PPP2R1A: variants seen among roughly 807,000 people sequenced by gnomAD.
PPP2R1A encodes the protein protein phosphatase 2 scaffold subunit Aalpha.
In PPP2R1A, 15 loss-of-function variants were observed where a neutral mutation model predicts 67.1. That is an observed-to-expected ratio of 0.22 (90% CI 0.15 to 0.34). The LOEUF (loss-of-function observed/expected upper bound fraction) is 0.34. Among genes scored for constraint, PPP2R1A ranks in the 10% least tolerant of loss-of-function variants. The pLI, the probability that PPP2R1A is intolerant of heterozygous loss-of-function variation, is 1.00. For synonymous variants in PPP2R1A, 337 were observed against 325.0 expected (o/e 1.04, Z -0.40); for missense variants, 369 against 775.0 (o/e 0.48, Z 6.22).
In PPP2R1A at chr19:52,206,667, G is replaced by A. The variant is rs938116846; in HGVS notation, c.270+604G>A. On this transcript the variant is annotated intron_variant, in intron 3 of 14. Coordinates refer to ENST00000322088, the MANE Select transcript of PPP2R1A (RefSeq NM_014225.6). ...GGATTCTTGGTCTGTCCATTTGACT[G>A]TCTGCCAGGTCCCCACCCCACTGCC... Among the ~76,000 whole-genome samples, 9 of 152,268 alleles carry A rather than the reference G, an allele frequency of 5.9e-5. No homozygotes were observed. In the East Asian group the frequency reaches 1.7e-3, roughly 29 times the overall value.
intron 1 of PPP2R1A, among the ~76,000 whole-genome samples, chr19:52,199,517 A>G (rs928350710): frequency 5.3e-5 from 8 of 152,174 alleles, no homozygotes; most frequent in African/African-American, 1.9e-4. Flanking sequence ...ATAACTTTGG[A>G]AGACTAACAC....
chr19:52,204,395 G>GT (rs2089581755), intron 2 of PPP2R1A, among the ~76,000 whole-genome samples: 1 of 152,166 alleles, frequency 6.6e-6, no homozygotes. Flanking sequence ...GGAAAACCAG[G>GT]TAAGAAGCTG....
At chr19:52,204,301 AAG>A (rs1186750549) in intron 2 of PPP2R1A, among the ~76,000 whole-genome samples, 1 of 152,228 alleles carries the variant, frequency 6.6e-6, no homozygotes, top group Non-Finnish European at 1.5e-5. Flanking sequence ...ATTGAAATGA[AAG>A]AGTGTCGGGA....
At position 52,216,370 on chromosome 19, in the gene PPP2R1A, A is replaced by T. The variant is rs113059301; in HGVS notation, c.994-159A>T. ...TTGAACTCTTAAGTAGGTGGTACTC[A>T]TAAGGAATAGTGATTTCCCCTGTAC... On this transcript the variant is annotated intron_variant, in intron 8 of 14. Transcript: ENST00000322088. This position sits in a 1 kb window ranked among gnomAD's most constrained non-coding sequence, Gnocchi z 4.3. Among the ~76,000 whole-genome samples, 1 of 152,164 alleles carries T rather than the reference A, an allele frequency of 6.6e-6. No homozygotes were observed. Among genetic ancestry groups the T allele is most frequent in the Non-Finnish European group, 1.5e-5 (1 of 68,002 alleles).
Position 52,211,543 on chromosome 19 carries a change from TTC to T in PPP2R1A, c.503+55_503+56del. 1.9e-6 allele frequency: 3 copies of T among 1,546,690 alleles called. No individual in the cohort carries two copies. The highest frequency in any genetic ancestry group is 2.6e-6 in the Non-Finnish European group (3 of 1,143,566). On this transcript the variant is annotated intron_variant, in intron 4 of 14. Coordinates refer to ENST00000322088, the MANE Select transcript of PPP2R1A (RefSeq NM_014225.6). The surrounding 1 kb of genome is among the most constrained non-coding windows in gnomAD (Gnocchi z 5.3). Reference sequence around the variant, plus strand: ...CCAAGCTCCCATCTCAGCTCCAACCTTCTCTAAAGCCTCAGACTCCTTTTGGT... The same window carrying T: ...CCAAGCTCCCATCTCAGCTCCAACCTTCTAAAGCCTCAGACTCCTTTTGGT...
At chr19:52,222,412 C>T in intron 13 of PPP2R1A, 171 bp downstream of exon 13, 2 of 966,652 alleles carry the variant, frequency 2.1e-6, no homozygotes, top group Non-Finnish European at 2.9e-6. Context: ...GTAAAATGAA[C>T]ATCACAGCAT....
intron 12 of PPP2R1A, among the ~76,000 whole-genome samples, chr19:52,221,693 A>G (rs952247916): frequency 6.8e-6 from 1 of 146,366 alleles, no homozygotes; most frequent in Non-Finnish European, 1.5e-5. Context: ...GCTCCTGTCT[A>G]TTTGCTTTTC....
At chr19:52,220,940 C>G in intron 11 of PPP2R1A, 39 bp from the exon 12 acceptor site, 11 of 1,610,330 alleles carry the variant, frequency 6.8e-6, no homozygotes, top group Non-Finnish European at 9.3e-6. Flanking sequence ...AGTTCTTCAC[C>G]TCCAAATCCC....
Position 52,201,955 on chromosome 19 carries a change from C to T in PPP2R1A, c.90C>T (p.Asn30=), listed in dbSNP as rs2122300454. 1 of 1,614,108 alleles carries T rather than the reference C, an allele frequency of 6.2e-7. No homozygotes were observed. The highest frequency in any genetic ancestry group is 1.1e-5 in the South Asian group (1 of 91,078). ...TGTTCTCTCATTAGCTTCGCCTCAA[C>T]AGCATCAAGAAGCTGTCCACCATCG... ...LRNEDVQLRL[N]SIKKLSTIAL... The change falls in exon 2 of 15, where the codon AAC becomes AAT. Residue 30 remains asparagine, a synonymous_variant. Transcript: ENST00000322088.
intron 1 of PPP2R1A, among the ~76,000 whole-genome samples, chr19:52,194,583 A>T (rs78654772): frequency 6.6e-6 from 1 of 151,690 alleles, no homozygotes; most frequent in Non-Finnish European, 1.5e-5. Context: ...GCAGGGGGGA[A>T]GTATGGTTAC....
Position 52,220,194 on chromosome 19 carries a change from G to A in PPP2R1A, c.1308G>A (p.Val436=). 6.2e-7 allele frequency: 1 copy of A among 1,614,050 alleles called. No homozygotes were observed. ...YMPLLAGQLG[V]EFFDEKLNSL... is the part of the protein sequence containing the mutation. ...ACCCTTGGTTTCTCCTGTAGGGAGT[G>A]GAGTTCTTTGATGAGAAACTTAACT... Residue 436 remains valine (V), a synonymous_variant, in exon 11 of 15, where the codon GTG becomes GTA. Coordinates refer to ENST00000322088, the MANE Select transcript of PPP2R1A (RefSeq NM_014225.6).
rs879263955 is a variant in PPP2R1A, at chr19:52,219,028, A to G, written c.1129-663A>G. Among the ~76,000 whole-genome samples, 4 of 152,264 alleles carry G rather than the reference A, an allele frequency of 2.6e-5. No individual in the cohort carries two copies. Among genetic ancestry groups the G allele is most frequent in the Non-Finnish European group, 5.9e-5 (4 of 68,052 alleles). ...CACCAGAATTTATAAACTTGTCTAA[A>G]TGAAAAAGGCTACCTTTTTACTGGT... On this transcript the variant is annotated intron_variant, in intron 9 of 14. Coordinates refer to ENST00000322088, the MANE Select transcript of PPP2R1A (RefSeq NM_014225.6). This position sits in a 1 kb window ranked among gnomAD's most constrained non-coding sequence, Gnocchi z 4.0.
At position 52,219,626 on chromosome 19, in the gene PPP2R1A, T is replaced by C. The variant is rs1312862403; in HGVS notation, c.1129-65T>C. 1 of 1,493,268 alleles carries C rather than the reference T, an allele frequency of 6.7e-7. No homozygotes were observed. Among genetic ancestry groups the C allele is most frequent in the Non-Finnish European group, 9.1e-7 (1 of 1,097,112 alleles). 92.5% of individuals were successfully genotyped at this position (1,493,268 alleles called of 1,614,324 possible). On this transcript the variant is annotated intron_variant, in intron 9 of 14. Coordinates refer to ENST00000322088, the MANE Select transcript of PPP2R1A (RefSeq NM_014225.6). This position sits in a 1 kb window ranked among gnomAD's most constrained non-coding sequence, Gnocchi z 4.0. ...ATAAAAGTTGATGCAGCTGAGCTCT[T>C]TCCATCCTGTCCTGGGTTGCTGTGT...
chr19:52,212,562 G>C lies in PPP2R1A; in HGVS notation c.504-124G>C, dbSNP rs544348585. The stretch of plus-strand genomic sequence containing the variant: ...CGTTTCATAGGGCTGGGAAGACAGA[G>C]AGGGGGTCATCACTTGCCCAAGGTC... On this transcript the variant is annotated intron_variant, in intron 4 of 14. Coordinates refer to ENST00000322088, the MANE Select transcript of PPP2R1A (RefSeq NM_014225.6). This position sits in a 1 kb window ranked among gnomAD's most constrained non-coding sequence, Gnocchi z 4.1. 2.1e-5 allele frequency: 25 copies of C among 1,170,242 alleles called. No homozygotes were observed. In the Admixed American group the frequency reaches 5.2e-4, roughly 25 times the overall value. 72.5% of individuals were successfully genotyped at this position (1,170,242 alleles called of 1,614,324 possible).
At chr19:52,193,802 C>T (rs974164088) in intron 1 of PPP2R1A, among the ~76,000 whole-genome samples, 1 of 151,864 alleles carries the variant, frequency 6.6e-6, no homozygotes, top group Non-Finnish European at 1.5e-5. Flanking sequence ...ACTCCCTGCC[C>T]GCCTCTGCCT....
rs1209389677 is a variant in PPP2R1A at position 52,219,176 on chromosome 19, A to G, written c.1129-515A>G. 1.3e-5 allele frequency among the ~76,000 whole-genome samples: 2 copies of G among 152,206 alleles called. No homozygotes were observed. Among genetic ancestry groups the G allele is most frequent in the African/African-American group, 2.4e-5 (1 of 41,456 alleles). On this transcript the variant is annotated intron_variant, in intron 9 of 14. Transcript: ENST00000322088. The surrounding 1 kb of genome is among the most constrained non-coding windows in gnomAD (Gnocchi z 4.0). ...CTGGAGCTGGGCAAGGGCCAGTCCT[A>G]TCCTCGGAATGTGCAGGGTTTCAAC... is the stretch of plus-strand genomic sequence containing the variant.
At chr19:52,196,515 C>G (rs951166894) in intron 1 of PPP2R1A, among the ~76,000 whole-genome samples, 1 of 152,202 alleles carries the variant, frequency 6.6e-6, no homozygotes, top group South Asian at 2.1e-4. Flanking sequence ...TTCTTTCCCT[C>G]CTCCCTTTTA....
intron 1 of PPP2R1A, chr19:52,201,177 C>T (rs2089544760): frequency 6.6e-6 from 1 of 152,264 alleles, no homozygotes; most frequent in Admixed American, 6.5e-5. Flanking sequence ...TTAACTACGC[C>T]TGCAAAGACT....
At chr19:52,203,701 C>T (rs73935024) in intron 2 of PPP2R1A, among the ~76,000 whole-genome samples, 62 of 152,268 alleles carry the variant, frequency 4.1e-4, no homozygotes, top group East Asian at 1.5e-3. Flanking sequence ...AGTTCTGACA[C>T]GTCTGCCCAG....
Sources: allele counts gnomAD v4.1 joint callset (sites outside exome capture counted in the v4.1 genomes callset), GRCh38; gene constraint gnomAD v4.1.1; non-coding constraint Gnocchi (gnomAD v3.1); transcripts MANE v1.5; gene names NCBI Gene and HGNC (gene_info 2026-07-23, HGNC 2026-07-21).